The following TMC2 variants were observed in gnomAD, a reference collection of about 807,000 sequenced individuals.
TMC2 encodes the protein transmembrane channel like 2, also known as transmembrane channel-like protein 2.
A neutral mutation model predicts 105.9 loss-of-function variants in TMC2; 102 were observed. The observed-to-expected ratio is 0.96, with a 90% CI of 0.82 to 1.14. The LOEUF is 1.14. Ranked by LOEUF, TMC2 falls within the 50% of genes most tolerant of loss-of-function variation. The pLI is 0.00. For missense variants in TMC2, 1,093 were observed against 1,134.3 expected, an observed-to-expected ratio of 0.96 and a Z score of 0.52; for synonymous variants, 402 against 422.8, an observed-to-expected ratio of 0.95 and a Z score of 0.60.
intron 2 of TMC2, among the ~76,000 whole-genome samples, chr20:2,546,694 A>C (rs2085928497): frequency 6.6e-6 from 1 of 152,228 alleles, no homozygotes; most frequent in South Asian, 2.1e-4. Context: ...GAGTCCTTCC[A>C]ACTGGGGTTC....
chr20:2,588,012 T>A (rs987392429), intron 7 of TMC2, among the ~76,000 whole-genome samples: 2 of 144,376 alleles, frequency 1.4e-5, no homozygotes, highest in Non-Finnish European at 3.1e-5. Context: ...TCTTGTATAA[T>A]CCCCCCCCCC....
intron 9 of TMC2, among the ~76,000 whole-genome samples, chr20:2,595,611 AGC>A (rs1205646448): frequency 2.6e-5 from 4 of 152,162 alleles, no homozygotes; most frequent in African/African-American, 9.7e-5. Context: ...AACTTGGCCC[AGC>A]CCATGGATTG....
intron 19 of TMC2, among the ~76,000 whole-genome samples, chr20:2,639,665 A>C (rs2086674429): frequency 6.6e-6 from 1 of 152,196 alleles, no homozygotes; most frequent in Non-Finnish European, 1.5e-5. Flanking sequence ...CTGAAAAGAG[A>C]AGCACTGGAA....
intron 7 of TMC2, among the ~76,000 whole-genome samples, chr20:2,589,733 A>G (rs950677836): frequency 8.1e-4 from 123 of 152,222 alleles, no homozygotes; most frequent in Non-Finnish European, 1.6e-3. Flanking sequence ...GCAGTGGCTC[A>G]ATCTCGGCTC....
chr20:2,625,141 G>A (rs889035689), intron 17 of TMC2, among the ~76,000 whole-genome samples: 3 of 152,148 alleles, frequency 2.0e-5, no homozygotes, highest in Admixed American at 2.0e-4. Flanking sequence ...GATTGGAATT[G>A]TTGCCATCAA....
intron 17 of TMC2, 129 bp downstream of exon 17, chr20:2,624,525 T>C: frequency 8.7e-7 from 1 of 1,149,156 alleles, no homozygotes; most frequent in Non-Finnish European, 1.2e-6. Flanking sequence ...ATGACAAGGA[T>C]TCAAGTGTAA....
intron 18 of TMC2, among the ~76,000 whole-genome samples, chr20:2,636,459 T>TACACACACACAC (rs3051763): frequency 0.054 from 7,757 of 143,414 alleles, 287 homozygotes; most frequent in Non-Finnish European, 0.074. Context: ...GACTGCTGTC[T>TACACACACACAC]ACACACACAC....
Position 2,573,605 on chromosome 20 carries a change from A to G in TMC2, c.645+1336A>G, listed in dbSNP as rs1197054147. 2.3e-4 allele frequency among the ~76,000 whole-genome samples: 32 copies of G among 141,802 alleles called. No homozygotes were observed. In the South Asian group the frequency reaches 2.9e-3, roughly 13 times the overall value. 93.0% of individuals were successfully genotyped at this position (141,802 alleles called of 152,430 possible). ...AGACGGAGTCTCACTCTGTTGCCCA[A>G]GCTGGAATGCGGTGGCGCGACCTCG... On this transcript the variant is annotated intron_variant, in intron 5 of 19. Coordinates refer to ENST00000358864, the MANE Select transcript of TMC2 (RefSeq NM_080751.3).
chr20:2,561,126 G>T (rs1237591371), intron 3 of TMC2, among the ~76,000 whole-genome samples: 2 of 152,148 alleles, frequency 1.3e-5, no homozygotes, highest in Non-Finnish European at 2.9e-5. Flanking sequence ...TACTTAATTT[G>T]GACAGATGTA....
chr20:2,583,923 G>A (rs1354148738), intron 7 of TMC2, among the ~76,000 whole-genome samples: 1 of 152,092 alleles, frequency 6.6e-6, no homozygotes, highest in Non-Finnish European at 1.5e-5. Context: ...ATAATTGTGT[G>A]TTTTTTTAAG....
At chr20:2,562,366 A>G (rs1256603287) in intron 4 of TMC2, among the ~76,000 whole-genome samples, 1 of 152,144 alleles carries the variant, frequency 6.6e-6, no homozygotes, top group Non-Finnish European at 1.5e-5. Flanking sequence ...CCTTCTCCTC[A>G]AGAGCAGCTC....
chr20:2,571,950 G>A (rs2086106464), intron 4 of TMC2, among the ~76,000 whole-genome samples: 1 of 152,164 alleles, frequency 6.6e-6, no homozygotes, highest in South Asian at 2.1e-4. Context: ...AAGGTCACAG[G>A]GGCCACAGTT....
At chr20:2,537,169 C>A in intron 1 of TMC2, 100 bp from the exon 2 acceptor site, 1 of 1,044,294 alleles carries the variant, frequency 9.6e-7, no homozygotes, top group Non-Finnish European at 1.5e-6. Flanking sequence ...CAGTTTGAGG[C>A]AGCCACAAAT....
chr20:2,556,080 T>G (rs1192751345), intron 2 of TMC2, among the ~76,000 whole-genome samples: 1 of 152,098 alleles, frequency 6.6e-6, no homozygotes, highest in Non-Finnish European at 1.5e-5. Context: ...AGGATTTTAT[T>G]TTTTATTTTT....
chr20:2,623,065 A>G (rs13040690), intron 16 of TMC2, among the ~76,000 whole-genome samples: 1 of 151,894 alleles, frequency 6.6e-6, no homozygotes, highest in Non-Finnish European at 1.5e-5. Flanking sequence ...AAAACATTCC[A>G]TATCTGCATT....
At chr20:2,575,674 G>T (rs2086139044) in intron 5 of TMC2, among the ~76,000 whole-genome samples, 1 of 152,124 alleles carries the variant, frequency 6.6e-6, no homozygotes, top group South Asian at 2.1e-4. Context: ...TGTTCACATA[G>T]TTCTAGCTTC....
chr20:2,602,578 A>G (rs1191618154), intron 11 of TMC2, among the ~76,000 whole-genome samples: 2 of 152,242 alleles, frequency 1.3e-5, no homozygotes, highest in Non-Finnish European at 1.5e-5. Flanking sequence ...CTTTCCTCAC[A>G]GCTTTGCAGC....
intron 9 of TMC2, 113 bp from the exon 10 acceptor site, chr20:2,597,038 G>A: frequency 2.5e-6 from 3 of 1,191,324 alleles, no homozygotes; most frequent in Non-Finnish European, 2.4e-6. Flanking sequence ...GTCACTGAAT[G>A]TCAGCTACCT....
intron 10 of TMC2, among the ~76,000 whole-genome samples, chr20:2,599,026 T>A (rs1294188970): frequency 6.6e-6 from 1 of 152,028 alleles, no homozygotes; most frequent in Non-Finnish European, 1.5e-5. Context: ...TTGGAGTGTA[T>A]GTATAATTGA....
Sources: gnomAD v4.1 joint callset for allele counts (sites outside exome capture counted in the v4.1 genomes callset) on GRCh38, gnomAD v4.1.1 for gene constraint, MANE v1.5 for transcripts, NCBI Gene and HGNC (gene_info 2026-07-23, HGNC 2026-07-21) for gene names.